Variants in ANKFN1 observed in about 807,000 individuals in gnomAD.
ANKFN1 encodes the protein ankyrin repeat and fibronectin type-III domain-containing protein 1.
In ANKFN1, 74 loss-of-function variants were observed where a neutral mutation model predicts 108.7. The observed-to-expected ratio is 0.68, with a 90% CI of 0.56 to 0.83. The LOEUF (loss-of-function observed/expected upper bound fraction) is 0.83. ANKFN1 is among the 40% of genes least tolerant of loss of function. The probability of loss-of-function intolerance (pLI) is 0.00; values close to 1 mark genes in which losing one functional copy is unlikely to be tolerated. For synonymous variants in ANKFN1, 547 were observed against 516.2 expected (o/e 1.06, Z -0.81); for missense variants, 1,505 against 1,382.3 (o/e 1.09, Z -1.41).
chr17:56,335,804 G>A (rs1488503468), intron 4 of ANKFN1, among the ~76,000 whole-genome samples: 1 of 143,876 alleles, frequency 7.0e-6, no homozygotes, highest in African/African-American at 3.0e-5. Context: ...AGTTTTCAAA[G>A]GGAGGGCTTC....
intron 20 of ANKFN1, among the ~76,000 whole-genome samples, chr17:56,499,570 C>T (rs2051303176): frequency 6.6e-6 from 1 of 152,072 alleles, no homozygotes; most frequent in East Asian, 1.9e-4. Flanking sequence ...CCATATAGCA[C>T]AATGTTCTAG....
In ANKFN1 at chr17:56,508,275, T is replaced by C. The variant is rs539878992; in HGVS notation, c.2645-2198T>C. Among the ~76,000 whole-genome samples, 6 of 152,354 alleles carry C rather than the reference T, an allele frequency of 3.9e-5. No homozygotes were observed. The South Asian group carries it at 1.2e-3, about 32-fold the overall frequency. On this transcript the variant is annotated intron_variant, in intron 20 of 20. Transcript: ENST00000682825. ...CAATTCTTCAAAATTCTTTGATGAC[T>C]ACCCACTGGCTACAAAATAAGGTAC...
rs181528632 is a variant in ANKFN1, at chr17:56,388,952, A to T, written c.910+14238A>T. ...TTTGGAGAAACTAGGTTGCTCTTAC[A>T]TTGTTTGTGGGAATGTAAAATGATA... On this transcript the variant is annotated intron_variant, in intron 8 of 20. Coordinates refer to ENST00000682825, the MANE Select transcript of ANKFN1 (RefSeq NM_001370326.1). Among the ~76,000 whole-genome samples, 122 of 150,764 alleles carry T rather than the reference A, an allele frequency of 8.1e-4. 1 individual carries two copies. In the East Asian group the frequency reaches 8.3e-3, roughly 10 times the overall value.
At chr17:56,164,377 A>T (rs1383243285) in intron 1 of ANKFN1, among the ~76,000 whole-genome samples, 1 of 151,980 alleles carries the variant, frequency 6.6e-6, no homozygotes, top group Non-Finnish European at 1.5e-5. Flanking sequence ...GCCCATCTCT[A>T]CTGGATCTGT....
At chr17:56,257,313 G>A (rs1454242230) in intron 3 of ANKFN1, among the ~76,000 whole-genome samples, 2 of 152,212 alleles carry the variant, frequency 1.3e-5, no homozygotes, top group South Asian at 4.1e-4. Context: ...GAGCCCATAA[G>A]CATCTATAGG....
rs115295958 is a variant in ANKFN1 at position 56,203,245 on chromosome 17, G to A, written c.-70-9353G>A. Among the ~76,000 whole-genome samples, 516 of 152,038 alleles carry A rather than the reference G, an allele frequency of 3.4e-3. 2 individuals carry two copies. Among genetic ancestry groups the A allele is most frequent in the African/African-American group, 0.011 (475 of 41,472 alleles). On this transcript the variant is annotated intron_variant, in intron 1 of 20. Coordinates refer to ENST00000682825, the MANE Select transcript of ANKFN1 (RefSeq NM_001370326.1). ...CTCCCTAAATATCTAAGATCTCCAC[G>A]GGACATACATACATCTTAGGCCTTT...
rs1052692190 is a variant in ANKFN1, at chr17:56,047,577, A to G, written c.288+1252A>G. Among the ~76,000 whole-genome samples the G allele has an allele frequency of 3.3e-5, 5 of 152,098 alleles. 1 individual carries two copies. Among genetic ancestry groups the G allele is most frequent in the Admixed American group, 2.0e-4 (3 of 15,274 alleles). On this transcript the variant is annotated intron_variant, in intron 4 of 12. Transcript: ENST00000635860. ...GTTGCTATGGGACATAAAATGAAAT[A>G]TGAACCAGGGGATGGGAACTGGGGA...
At chr17:56,285,482 A>G (rs1351110722) in intron 3 of ANKFN1, among the ~76,000 whole-genome samples, 1 of 152,164 alleles carries the variant, frequency 6.6e-6, no homozygotes, top group African/African-American at 2.4e-5. Flanking sequence ...CTTCTTGTTA[A>G]GGAGTTTCTC....
intron 14 of ANKFN1, among the ~76,000 whole-genome samples, chr17:56,464,145 C>A (rs1018916338): frequency 2.6e-5 from 4 of 152,158 alleles, no homozygotes; most frequent in Non-Finnish European, 5.9e-5. Flanking sequence ...TTAAATTGGG[C>A]TCTCCTCAAA....
At chr17:56,265,654 G>A (rs1241910167) in intron 3 of ANKFN1, among the ~76,000 whole-genome samples, 2 of 152,124 alleles carry the variant, frequency 1.3e-5, no homozygotes, top group African/African-American at 4.8e-5. Flanking sequence ...ATTGGTTCCA[G>A]GACCCCCATG....
chr17:56,363,296 A>C (rs1200226590), intron 6 of ANKFN1, among the ~76,000 whole-genome samples: 1 of 152,326 alleles, frequency 6.6e-6, no homozygotes, highest in Non-Finnish European at 1.5e-5. Context: ...ACAAATGACC[A>C]ACAGATATAT....
At chr17:56,249,654 A>G (rs1173330415) in intron 3 of ANKFN1, among the ~76,000 whole-genome samples, 6 of 152,142 alleles carry the variant, frequency 3.9e-5, no homozygotes, top group Non-Finnish European at 5.9e-5. Context: ...AGTTGCAGCC[A>G]TTAAGGTAGT....
intron 4 of ANKFN1, among the ~76,000 whole-genome samples, chr17:56,145,017 C>A (rs901652648): frequency 4.6e-5 from 7 of 152,070 alleles, no homozygotes; most frequent in African/African-American, 9.7e-5. Flanking sequence ...GATGCTTAAT[C>A]TTTCCCCTCT....
chr17:56,509,515 G>A (rs1490502955), intron 20 of ANKFN1, among the ~76,000 whole-genome samples: 4 of 152,184 alleles, frequency 2.6e-5, no homozygotes, highest in Non-Finnish European at 5.9e-5. Flanking sequence ...TTCCATTTCA[G>A]TGGCCAGAAC....
intron 1 of ANKFN1, among the ~76,000 whole-genome samples, chr17:56,193,507 A>T (rs1054671438): frequency 2.0e-5 from 3 of 151,736 alleles, no homozygotes; most frequent in Admixed American, 2.0e-4. Flanking sequence ...AAAAGTGCAT[A>T]ATTTATTTGT....
rs78338976 is a variant in ANKFN1, at chr17:56,256,177, A to C, written c.53+28220A>C. 4.2e-3 allele frequency among the ~76,000 whole-genome samples: 641 copies of C among 152,326 alleles called. 5 individuals are homozygous for C. Among genetic ancestry groups the C allele is most frequent in the African/African-American group, 0.013 (559 of 41,566 alleles). On this transcript the variant is annotated intron_variant, in intron 3 of 20. Coordinates refer to ENST00000682825, the MANE Select transcript of ANKFN1 (RefSeq NM_001370326.1). ...AGAGTTAGTCTGAGAACAGCTGTGA[A>C]GGAGTTAGGAAAGATTAATGAAAAC...
intron 8 of ANKFN1, among the ~76,000 whole-genome samples, chr17:56,400,771 G>A (rs1167306157): frequency 1.3e-5 from 2 of 152,054 alleles, no homozygotes; most frequent in East Asian, 3.9e-4. Flanking sequence ...TTTATAAGGT[G>A]AGAGATGAGG....
chr17:56,091,108 C>T (rs911835079), intron 4 of ANKFN1, among the ~76,000 whole-genome samples: 5 of 150,844 alleles, frequency 3.3e-5, no homozygotes, highest in Admixed American at 2.6e-4. Flanking sequence ...GACGTAGTAG[C>T]GCCTCAAAAA....
chr17:56,271,117 C>T (rs536120446), intron 3 of ANKFN1, among the ~76,000 whole-genome samples: 2 of 152,206 alleles, frequency 1.3e-5, no homozygotes, highest in East Asian at 1.9e-4. Context: ...TCAAGCGATC[C>T]TCCCACCTCA....
Sources: allele counts gnomAD v4.1 joint callset (sites outside exome capture counted in the v4.1 genomes callset), GRCh38; gene constraint gnomAD v4.1.1; transcripts MANE v1.5; gene names NCBI Gene and HGNC (gene_info 2026-07-23, HGNC 2026-07-21).